PPP2R2C: variants seen among roughly 807,000 people sequenced by gnomAD.
PPP2R2C encodes protein phosphatase 2 regulatory subunit Bgamma, also known as protein phosphatase 2, regulatory subunit B, gamma.
Under a neutral mutation model 45.3 loss-of-function variants are expected in PPP2R2C, and 10 were observed. That is an observed-to-expected ratio of 0.22 (90% CI 0.14 to 0.37). PPP2R2C has a LOEUF of 0.37. PPP2R2C is among the 10% of genes least tolerant of loss of function. The pLI is 1.00. For synonymous variants in PPP2R2C, 257 were observed against 245.4 expected (o/e 1.05, Z -0.44); for missense variants, 308 against 619.7 (o/e 0.50, Z 5.34).
At chr4:6,494,657 C>T (rs1009755838) in intron 2 of PPP2R2C, among the ~76,000 whole-genome samples, 6 of 152,154 alleles carry the variant, frequency 3.9e-5, no homozygotes, top group East Asian at 1.9e-4. Context: ...CGCGGCACGC[C>T]GTCCAGGTGG....
At chr4:6,498,878 C>G (rs1227001545) in intron 2 of PPP2R2C, among the ~76,000 whole-genome samples, 2 of 152,198 alleles carry the variant, frequency 1.3e-5, no homozygotes, top group African/African-American at 4.8e-5. Context: ...ATCTACACCT[C>G]TGATCTTTTT....
chr4:6,491,885 G>A (rs1722710347), intron 2 of PPP2R2C, among the ~76,000 whole-genome samples: 1 of 152,192 alleles, frequency 6.6e-6, no homozygotes, highest in Admixed American at 6.5e-5. Context: ...AGAATTGTGA[G>A]TCAATTAAAC....
intron 2 of PPP2R2C, among the ~76,000 whole-genome samples, chr4:6,527,039 A>C (rs1724230481): frequency 6.6e-6 from 1 of 152,150 alleles, no homozygotes. Context: ...GAGGAGAAGG[A>C]GCCCAGGCTG....
intron 1 of PPP2R2C, among the ~76,000 whole-genome samples, chr4:6,439,981 A>C (rs1720072800): frequency 6.6e-6 from 1 of 152,134 alleles, no homozygotes; most frequent in African/African-American, 2.4e-5. Context: ...TAAGCTCTTA[A>C]AACCACCTCA....
At chr4:6,519,714 C>T (rs1006971589) in intron 2 of PPP2R2C, among the ~76,000 whole-genome samples, 1 of 152,156 alleles carries the variant, frequency 6.6e-6, no homozygotes, top group African/African-American at 2.4e-5. Flanking sequence ...GAGGAGCTAA[C>T]AGGGAGAGGG....
At chr4:6,382,903 C>T (rs1356114441) in intron 1 of PPP2R2C, 19 of 1,086,292 alleles carry the variant, frequency 1.7e-5, no homozygotes, top group Non-Finnish European at 2.0e-5. Context: ...AACCCTCCAG[C>T]GGCTCCCATT....
At chr4:6,473,006 G>A (rs1721997527), upstream of PPP2R2C, among the ~76,000 whole-genome samples, 1 of 152,112 alleles carries the variant, frequency 6.6e-6, no homozygotes, top group Non-Finnish European at 1.5e-5. Context: ...ATGGGGACTC[G>A]GGGGAGGGGA....
chr4:6,473,070 G>C (rs1722000630), upstream of PPP2R2C, among the ~76,000 whole-genome samples: 1 of 152,088 alleles, frequency 6.6e-6, no homozygotes, highest in South Asian at 2.1e-4. Context: ...AAGTTCTGGG[G>C]CCCGTTGGGA....
chr4:6,543,526 G>T lies in PPP2R2C; in HGVS notation c.-58-8149C>A, dbSNP rs191029629. On this transcript the variant is annotated intron_variant, in intron 1 of 9. Transcript: ENST00000506140. ...TCATGAGGTCAGGAGTTCGAGACCA[G>T]CCTGACCAACCTGGCCAAACCCCGT... Among the ~76,000 whole-genome samples the T allele has an allele frequency of 1.7e-3, 258 of 152,278 alleles. 1 individual carries two copies. The highest frequency in any genetic ancestry group is 4.5e-3 in the Admixed American group (69 of 15,290).
In PPP2R2C at chr4:6,469,481, C is replaced by A. The variant is rs1306724115; in HGVS notation, c.70+2679G>T. Among the ~76,000 whole-genome samples the A allele has an allele frequency of 6.6e-5, 10 of 152,316 alleles. No homozygotes were observed. The East Asian group carries it at 1.9e-3, about 29-fold the overall frequency. ...TTAGCATCCACTGTTTGCCCACAGG[C>A]TCTTCCAGTTACAAGGCATATAAAT... is the stretch of plus-strand genomic sequence containing the variant. On this transcript the variant is annotated intron_variant, in intron 1 of 8. Transcript: ENST00000382599.
intron 2 of PPP2R2C, among the ~76,000 whole-genome samples, chr4:6,510,637 G>A (rs184490492): frequency 2.0e-5 from 3 of 151,968 alleles, no homozygotes; most frequent in African/African-American, 4.8e-5. Flanking sequence ...GCCCAACAAC[G>A]CCCAGCCCCT....
chr4:6,533,269 G>C (rs996141683), intron 2 of PPP2R2C, among the ~76,000 whole-genome samples: 13 of 152,196 alleles, frequency 8.5e-5, no homozygotes, highest in African/African-American at 3.1e-4. Context: ...GTTGGTCACA[G>C]CCAAATCCTC....
intron 3 of PPP2R2C, among the ~76,000 whole-genome samples, chr4:6,376,504 G>A (rs1444109231): frequency 6.6e-6 from 1 of 151,748 alleles, no homozygotes; most frequent in African/African-American, 2.4e-5. Flanking sequence ...CCAGGCTGGA[G>A]TGCAGTGGCA....
intron 2 of PPP2R2C, among the ~76,000 whole-genome samples, chr4:6,480,929 G>C (rs1056821032): frequency 1.3e-5 from 2 of 152,250 alleles, no homozygotes; most frequent in Non-Finnish European, 2.9e-5. Context: ...CTTTCCACTT[G>C]GCCATTTGAA....
intron 2 of PPP2R2C, among the ~76,000 whole-genome samples, chr4:6,495,419 C>T (rs1722849733): frequency 6.6e-6 from 1 of 152,222 alleles, no homozygotes; most frequent in Non-Finnish European, 1.5e-5. Context: ...TGGCACAGTA[C>T]CTGGCATGCA....
At chr4:6,461,213 G>T (rs35565586) in intron 1 of PPP2R2C, among the ~76,000 whole-genome samples, 14,803 of 152,258 alleles carry the variant, frequency 0.097, 837 homozygotes, top group Non-Finnish European at 0.13. Context: ...TGCACGTGTG[G>T]ACACTGAAGC....
At chr4:6,335,135 G>A (rs1406731151) in intron 6 of PPP2R2C, among the ~76,000 whole-genome samples, 1 of 152,192 alleles carries the variant, frequency 6.6e-6, no homozygotes, top group Admixed American at 6.5e-5. Flanking sequence ...TCTGTGCCAG[G>A]CCCTGGGATG....
upstream of PPP2R2C, among the ~76,000 whole-genome samples, chr4:6,477,588 T>C (rs113766716): frequency 0.12 from 17,787 of 151,942 alleles, 1,223 homozygotes; most frequent in Non-Finnish European, 0.16. Context: ...TAGCCGGGCA[T>C]GGTGGTGGGC....
At chr4:6,372,747 C>T (rs1363820708) in intron 4 of PPP2R2C, 47 bp from the exon 5 acceptor site, 2 of 1,581,248 alleles carry the variant, frequency 1.3e-6, no homozygotes, top group Non-Finnish European at 1.7e-6. Flanking sequence ...CAGGTGGTGG[C>T]ATCAGGACAT....
Sources: gnomAD v4.1 joint callset for allele counts (sites outside exome capture counted in the v4.1 genomes callset) on GRCh38, gnomAD v4.1.1 for gene constraint, MANE v1.5 for transcripts, NCBI Gene and HGNC (gene_info 2026-07-23, HGNC 2026-07-21) for gene names.